The following FHIT variants were observed in gnomAD, a reference collection of about 807,000 sequenced individuals.
FHIT encodes fragile histidine triad diadenosine triphosphatase.
FHIT carries 19 observed loss-of-function variants against 17.9 expected under a neutral mutation model. That is an observed-to-expected ratio of 1.06 (90% CI 0.74 to 1.56). FHIT has a LOEUF of 1.56. Among genes scored for constraint, FHIT ranks in the 40% most tolerant of loss-of-function variants. The pLI is 0.00. For missense variants in FHIT, 248 were observed against 189.2 expected, an observed-to-expected ratio of 1.31 and a Z score of -1.82; for synonymous variants, 81 against 69.7, an observed-to-expected ratio of 1.16 and a Z score of -0.81.
intron 7 of FHIT, among the ~76,000 whole-genome samples, chr3:59,935,488 AAAGTAT>A (rs993444757): frequency 6.6e-6 from 1 of 152,142 alleles, no homozygotes; most frequent in Non-Finnish European, 1.5e-5. Context: ...TTTTTACCAC[AAAGTAT>A]AAGTAATTAC....
intron 3 of FHIT, among the ~76,000 whole-genome samples, chr3:61,015,129 A>G (rs2032036909): frequency 6.6e-6 from 1 of 152,122 alleles, no homozygotes; most frequent in Non-Finnish European, 1.5e-5. Context: ...AACAATAGAC[A>G]AAGTATGTCA....
At chr3:60,693,541 G>A (rs373658493) in intron 4 of FHIT, among the ~76,000 whole-genome samples, 17 of 152,260 alleles carry the variant, frequency 1.1e-4, no homozygotes, top group Middle Eastern at 3.4e-3. Flanking sequence ...GGCTAAACTC[G>A]TGGGTAAATA....
At chr3:59,765,641 G>T (rs933213118) in intron 8 of FHIT, among the ~76,000 whole-genome samples, 3 of 152,140 alleles carry the variant, frequency 2.0e-5, no homozygotes, top group Non-Finnish European at 2.9e-5. Context: ...CTGGCATTGC[G>T]GTTGAGAAGA....
chr3:61,018,888 T>C (rs187574528), intron 3 of FHIT, among the ~76,000 whole-genome samples: 2 of 152,316 alleles, frequency 1.3e-5, no homozygotes, highest in East Asian at 1.9e-4. Flanking sequence ...TACTTTAATG[T>C]GTCTATCTTC....
intron 3 of FHIT, among the ~76,000 whole-genome samples, chr3:60,898,180 C>A (rs1218836387): frequency 1.3e-5 from 2 of 152,118 alleles, no homozygotes; most frequent in African/African-American, 4.8e-5. Context: ...ATATAAACAT[C>A]TTTCCATGTT....
At chr3:59,998,231 G>C (rs533508690) in intron 7 of FHIT, among the ~76,000 whole-genome samples, 46 of 152,154 alleles carry the variant, frequency 3.0e-4, no homozygotes, top group Non-Finnish European at 5.1e-4. Flanking sequence ...CAGGGCCGCA[G>C]ATGAAGGGCT....
chr3:60,069,897 T>C (rs1008000629), intron 5 of FHIT, among the ~76,000 whole-genome samples: 1 of 152,150 alleles, frequency 6.6e-6, no homozygotes, highest in African/African-American at 2.4e-5. Flanking sequence ...TAATATAAAT[T>C]TACCATATAA....
chr3:61,225,812 T>A (rs1447408442), intron 1 of FHIT, among the ~76,000 whole-genome samples: 1 of 152,242 alleles, frequency 6.6e-6, no homozygotes, highest in Non-Finnish European at 1.5e-5. Flanking sequence ...GTTAGTACTT[T>A]TCACCAGTGT....
At chr3:59,912,417 T>C (rs934419262) in intron 8 of FHIT, among the ~76,000 whole-genome samples, 2 of 152,234 alleles carry the variant, frequency 1.3e-5, no homozygotes, top group Non-Finnish European at 2.9e-5. Flanking sequence ...CAATATCAAC[T>C]GATAGGGTCA....
chr3:60,264,295 A>G (rs1284736356), intron 5 of FHIT, among the ~76,000 whole-genome samples: 2 of 152,068 alleles, frequency 1.3e-5, no homozygotes. Context: ...AACCATGGAC[A>G]GATTCAAGTC....
At chr3:60,291,168 C>T (rs1707966663) in intron 5 of FHIT, among the ~76,000 whole-genome samples, 1 of 152,114 alleles carries the variant, frequency 6.6e-6, no homozygotes, top group African/African-American at 2.4e-5. Flanking sequence ...GAATAGCTCT[C>T]TGCTGGGGAG....
chr3:60,473,303 A>G (rs1230827296), intron 5 of FHIT, among the ~76,000 whole-genome samples: 1 of 152,196 alleles, frequency 6.6e-6, no homozygotes, highest in East Asian at 1.9e-4. Flanking sequence ...TTGCATGAGC[A>G]CTGTTCCAAG....
At chr3:60,575,677 A>G (rs1391183128) in intron 4 of FHIT, among the ~76,000 whole-genome samples, 1 of 152,198 alleles carries the variant, frequency 6.6e-6, no homozygotes, top group Non-Finnish European at 1.5e-5. Context: ...TTACAAACAT[A>G]AGTTCCAGTT....
At chr3:60,338,233 G>A (rs764820572) in intron 5 of FHIT, among the ~76,000 whole-genome samples, 21 of 152,106 alleles carry the variant, frequency 1.4e-4, no homozygotes, top group East Asian at 7.7e-4. Context: ...CCCATTAATC[G>A]CTACTAGCCC....
intron 3 of FHIT, among the ~76,000 whole-genome samples, chr3:60,964,731 T>G (rs1709631585): frequency 6.6e-6 from 1 of 152,176 alleles, no homozygotes; most frequent in South Asian, 2.1e-4. Context: ...GGTTGAAAAT[T>G]CTTGTCTTTA....
chr3:60,705,546 A>G (rs1553703315), intron 4 of FHIT, among the ~76,000 whole-genome samples: 1 of 152,228 alleles, frequency 6.6e-6, no homozygotes, highest in Non-Finnish European at 1.5e-5. Context: ...CGGGTTTGAA[A>G]TTCAACGTTG....
intron 1 of FHIT, among the ~76,000 whole-genome samples, chr3:61,223,351 A>C (rs2039888534): frequency 6.6e-6 from 1 of 152,194 alleles, no homozygotes. Flanking sequence ...AGAATAACAG[A>C]AAGACCAGAT....
chr3:60,392,788 T>A (rs1576588529), intron 5 of FHIT, among the ~76,000 whole-genome samples: 1 of 152,144 alleles, frequency 6.6e-6, no homozygotes, highest in Non-Finnish European at 1.5e-5. Flanking sequence ...TGGAAATGGG[T>A]GGGGCCCAGT....
intron 7 of FHIT, among the ~76,000 whole-genome samples, chr3:60,006,654 CA>C (rs375320803): frequency 0.022 from 3,007 of 134,610 alleles, 56 homozygotes; most frequent in Middle Eastern, 0.037. Flanking sequence ...TTTCCGCATT[CA>C]AAAAAAAAAA....
Sources: allele counts gnomAD v4.1 joint callset (sites outside exome capture counted in the v4.1 genomes callset), GRCh38; gene constraint gnomAD v4.1.1; transcripts MANE v1.5; gene names NCBI Gene and HGNC (gene_info 2026-07-23, HGNC 2026-07-21).